STK39: variants seen among roughly 807,000 people sequenced by gnomAD.
STK39 encodes STE20/SPS1-related proline-alanine-rich protein kinase.
A neutral mutation model predicts 77.8 loss-of-function variants in STK39; 20 were observed. The observed-to-expected ratio is 0.26, with a 90% CI of 0.18 to 0.37. The LOEUF is 0.37. Ranked by LOEUF, STK39 falls within the 10% of genes least tolerant of loss-of-function variation. The pLI, the probability that STK39 is intolerant of heterozygous loss-of-function variation, is 1.00. For missense variants in STK39, 479 were observed against 656.5 expected (o/e 0.73, Z 2.95); for synonymous variants, 246 against 234.1 (o/e 1.05, Z -0.47).
rs1289165939 is a variant in STK39, at chr2:168,242,951, A to T, written c.208+4277T>A. Among the ~76,000 whole-genome samples, 4 of 150,954 alleles carry T rather than the reference A, an allele frequency of 2.6e-5. No individual in the cohort carries two copies. In the South Asian group the frequency reaches 6.3e-4, roughly 24 times the overall value. On this transcript the variant is annotated intron_variant, in intron 1 of 17. Coordinates refer to ENST00000355999, the MANE Select transcript of STK39 (RefSeq NM_013233.3). ...TTCTATATACATTTTTCTATTTATTAAAAAAGAAAGTGAAATGAAATGAAA... is the reference window on the plus strand; with the variant it reads ...TTCTATATACATTTTTCTATTTATTTAAAAAGAAAGTGAAATGAAATGAAA...
intron 10 of STK39, among the ~76,000 whole-genome samples, chr2:168,098,783 T>A (rs1477554857): frequency 6.6e-6 from 1 of 152,132 alleles, no homozygotes; most frequent in Admixed American, 6.5e-5. Flanking sequence ...AAAAATCCCA[T>A]CTCACACACT....
intron 15 of STK39, among the ~76,000 whole-genome samples, chr2:168,014,656 T>C (rs1006934099): frequency 6.6e-6 from 1 of 152,124 alleles, no homozygotes; most frequent in African/African-American, 2.4e-5. Context: ...CCCAAATCTT[T>C]AGGGAAATAA....
chr2:168,013,988 T>A (rs1329337257), intron 15 of STK39, among the ~76,000 whole-genome samples: 1 of 152,034 alleles, frequency 6.6e-6, no homozygotes, highest in Admixed American at 6.6e-5. Context: ...CAGCCAAAGA[T>A]CATTTGAAAC....
Position 168,040,213 on chromosome 2 carries a change from T to C in STK39, c.1377-23118A>G, listed in dbSNP as rs183358405. Reference sequence around the variant, plus strand: ...AAAACTGTTGCTCAATATATATATATATTTGGATAAATGTACAGGTGGACA... The same window carrying C: ...AAAACTGTTGCTCAATATATATATACATTTGGATAAATGTACAGGTGGACA... On this transcript the variant is annotated intron_variant, in intron 14 of 17. Transcript: ENST00000355999. Among the ~76,000 whole-genome samples, 56 of 152,298 alleles carry C rather than the reference T, an allele frequency of 3.7e-4. No individual in the cohort carries two copies. In the East Asian group the frequency reaches 9.1e-3, roughly 25 times the overall value.
intron 1 of STK39, among the ~76,000 whole-genome samples, chr2:168,231,130 C>T (rs1454403152): frequency 5.9e-5 from 9 of 152,154 alleles, no homozygotes; most frequent in Admixed American, 5.9e-4. Context: ...TAATAGTAAA[C>T]AAAACTGATG....
chr2:168,120,329 C>T (rs1259706779), intron 10 of STK39, among the ~76,000 whole-genome samples: 3 of 152,152 alleles, frequency 2.0e-5, no homozygotes, highest in Non-Finnish European at 2.9e-5. Flanking sequence ...TTCACATGTC[C>T]CCCATCTACC....
chr2:168,111,275 A>G (rs1448810252), intron 10 of STK39, among the ~76,000 whole-genome samples: 2 of 152,086 alleles, frequency 1.3e-5, no homozygotes, highest in Non-Finnish European at 2.9e-5. Context: ...CACTTTCTTC[A>G]GATTAAGATT....
chr2:168,196,331 G>C (rs760287361), intron 1 of STK39, among the ~76,000 whole-genome samples: 2 of 152,154 alleles, frequency 1.3e-5, no homozygotes, highest in Admixed American at 6.5e-5. Flanking sequence ...TGCCTTCCTA[G>C]AGTTTACATT....
At chr2:168,223,280 T>C (rs1157310972) in intron 1 of STK39, among the ~76,000 whole-genome samples, 1 of 151,918 alleles carries the variant, frequency 6.6e-6, no homozygotes, top group African/African-American at 2.4e-5. Flanking sequence ...GAGGCTGAGG[T>C]AGGCAGATCA....
Position 168,247,273 on chromosome 2 carries a change from C to A in STK39, c.163G>T (p.Gly55Cys), listed in dbSNP as rs765358308. Reference protein sequence around the residue: ...PAPAPAAQAVGWPICRDAYEL... With the variant: ...PAPAPAAQAVCWPICRDAYEL... The stretch of plus-strand genomic sequence containing the variant: ...TACGCGTCCCTGCAGATGGGCCAGC[C>A]GACAGCCTGTGCCGCCGGGGCCGGG... Residue 55 changes from glycine (G) to cysteine (C), a missense_variant, in exon 1 of 18, where the codon GGC (glycine) becomes TGC (cysteine). Gly to Cys is a radical substitution (Grantham distance 159). Around this residue, in one of 3 missense-constraint regions of STK39, gnomAD observed 96 missense variants for 79.1 expected, o/e 1.21. Transcript: ENST00000355999. The A allele has an allele frequency of 1.2e-4, 126 of 1,090,490 alleles. No individual in the cohort carries two copies. Among genetic ancestry groups the A allele is most frequent in the Non-Finnish European group, 1.4e-4 (122 of 899,302 alleles). The allele number at this position is 1,090,490 out of a possible 1,614,324, so 67.6% of individuals were successfully genotyped here. A position where few individuals can be genotyped will look rare whatever the true frequency, so the allele number is the denominator to read the frequency against.
intron 14 of STK39, among the ~76,000 whole-genome samples, chr2:168,020,780 C>T (rs1474126102): frequency 6.6e-6 from 1 of 151,838 alleles, no homozygotes; most frequent in East Asian, 1.9e-4. Flanking sequence ...ATGGCTTCTC[C>T]AAGTTTACAA....
intron 1 of STK39, among the ~76,000 whole-genome samples, chr2:168,194,102 G>C (rs1299948015): frequency 6.6e-6 from 1 of 152,166 alleles, no homozygotes; most frequent in East Asian, 1.9e-4. Context: ...AGAAATGTAT[G>C]TGTATCGGGC....
At chr2:168,049,911 C>T (rs140143859) in intron 14 of STK39, among the ~76,000 whole-genome samples, 50 of 152,208 alleles carry the variant, frequency 3.3e-4, no homozygotes, top group Admixed American at 8.5e-4. Context: ...ACTGGGTGTC[C>T]GATTCTAAAG....
At chr2:168,077,446 G>C (rs1011026969) in intron 10 of STK39, among the ~76,000 whole-genome samples, 1 of 152,054 alleles carries the variant, frequency 6.6e-6, no homozygotes, top group Non-Finnish European at 1.5e-5. Context: ...TTATTTGCTG[G>C]AAGAGAGAAA....
intron 16 of STK39, among the ~76,000 whole-genome samples, chr2:167,990,283 C>A (rs980576448): frequency 5.3e-5 from 8 of 152,152 alleles, no homozygotes; most frequent in African/African-American, 1.9e-4. Context: ...GACATTTTGG[C>A]AAGATTATGC....
chr2:168,160,777 C>T (rs16854949), intron 5 of STK39, among the ~76,000 whole-genome samples: 42,190 of 151,770 alleles, frequency 0.28, 6,742 homozygotes, highest in East Asian at 0.56. Flanking sequence ...CCACAGATGT[C>T]TCTTAGCTGT....
At chr2:168,185,828 A>G (rs1689196424) in intron 1 of STK39, among the ~76,000 whole-genome samples, 1 of 152,202 alleles carries the variant, frequency 6.6e-6, no homozygotes, top group Non-Finnish European at 1.5e-5. Context: ...ATATTAATTC[A>G]TCAACAAACA....
chr2:168,100,491 T>C (rs898809373), intron 10 of STK39, among the ~76,000 whole-genome samples: 5 of 152,194 alleles, frequency 3.3e-5, no homozygotes, highest in Non-Finnish European at 5.9e-5. Context: ...CTCGAACTCC[T>C]GGGCTCAAGC....
rs923769707 is a variant in STK39, at chr2:168,220,014, C to T, written c.208+27214G>A. 5.3e-5 allele frequency among the ~76,000 whole-genome samples: 8 copies of T among 152,004 alleles called. No individual in the cohort carries two copies. In the South Asian group the frequency reaches 8.3e-4, roughly 16 times the overall value. On this transcript the variant is annotated intron_variant, in intron 1 of 17. Transcript: ENST00000355999. The stretch of plus-strand genomic sequence containing the variant: ...ACTGTCCAAGGAAAGAGATGGAGAG[C>T]CTTCCTTTGCTTGAGTATTTGAATA...
Sources: gnomAD v4.1 joint callset for allele counts (sites outside exome capture counted in the v4.1 genomes callset) on GRCh38, gnomAD v4.1.1 for gene constraint, gnomAD v4.1.1 regional missense constraint, MANE v1.5 for transcripts, NCBI Gene and HGNC (gene_info 2026-07-23, HGNC 2026-07-21) for gene names.